Variants in PIEZO1 observed in about 807,000 individuals in gnomAD.
PIEZO1 encodes the protein piezo-type mechanosensitive ion channel component 1.
PIEZO1 carries 296 observed loss-of-function variants against 297.2 expected under a neutral mutation model. The ratio of observed to expected loss-of-function variants is 1.00; its 90% CI spans 0.91 to 1.10. The LOEUF (loss-of-function observed/expected upper bound fraction) is 1.10. Ranked by LOEUF, PIEZO1 falls within the 50% of genes least tolerant of loss-of-function variation. PIEZO1 has a pLI of 0.00. For missense variants in PIEZO1, 5,018 were observed against 3,455.5 expected (o/e 1.45, Z -11.34); for synonymous variants, 2,427 against 1,507.5 (o/e 1.61, Z -14.13).
Position 88,719,805 on chromosome 16 carries a change from T to C in PIEZO1, c.6320A>G (p.Gln2107Arg). 1.3e-6 allele frequency: 2 copies of C among 1,550,398 alleles called. No individual in the cohort carries two copies. The highest frequency in any genetic ancestry group is 1.7e-6 in the Non-Finnish European group (2 of 1,146,912). The change falls in exon 43 of 51, where the codon CAG becomes CGG. Residue 2107 changes from glutamine (Q) to arginine (R), a missense_variant. By Grantham distance (43) the Gln-to-Arg change is conservative (BLOSUM62 1). Transcript: ENST00000301015. ...KYNHLNLFLF[Q>R]GFRLVPFLVE... ...ACCCCGGCGGACCTGCACTCACCCC[T>C]GGAAGAGGAAGAGGTTGAGATGATT...
At position 88,723,340 on chromosome 16, in the gene PIEZO1, C is replaced by A. The variant is rs766078279; in HGVS notation, c.4336-12G>T. 22 of 1,536,740 alleles carry A rather than the reference C, an allele frequency of 1.4e-5. No homozygotes were observed. The highest frequency in any genetic ancestry group is 1.7e-5 in the Non-Finnish European group (20 of 1,146,476). ...GCCTGGTACGCCAGCTGTCGGCCAG[C>A]CCCCGGGTTAGGACCCGGCCTCCCG... On this transcript the variant is annotated splice_polypyrimidine_tract_variant and intron_variant, in intron 31 of 50. Transcript: ENST00000301015.
chr16:88,773,274 G>A (rs187700038), intron 1 of PIEZO1, among the ~76,000 whole-genome samples: 5 of 152,344 alleles, frequency 3.3e-5, no homozygotes, highest in Admixed American at 6.5e-5. Flanking sequence ...AGTCAGGACA[G>A]CCCTCCAAGA....
intron 1 of PIEZO1, among the ~76,000 whole-genome samples, chr16:88,778,535 A>G (rs1907777194): frequency 6.6e-6 from 1 of 152,210 alleles, no homozygotes; most frequent in Non-Finnish European, 1.5e-5. Flanking sequence ...TCCTGAGACA[A>G]CGGCGGGGAA....
rs556192193 is a variant in PIEZO1, at chr16:88,720,270, G to A, written c.5963C>T (p.Ala1988Val). 399 of 1,550,398 alleles carry A rather than the reference G, an allele frequency of 2.6e-4. No homozygotes were observed. The African/African-American group carries it at 4.9e-3, about 19-fold the overall frequency. Residue 1988 changes from alanine to valine, a missense_variant, in exon 42 of 51, where the codon GCC (alanine) becomes GTC (valine). Ala to Val is a moderately conservative substitution (Grantham distance 64). Transcript: ENST00000301015. ...TGATAGGGAGGACGTGATGTCTGTG[G>A]CCGCCGAGTGCTTCTGTGGCCAGGA... ...GFWAFGKHSA[A>V]TDITSSLSDD... is the part of the protein sequence containing the mutation.
intron 20 of PIEZO1, 22 bp from the exon 21 acceptor site, chr16:88,732,557 G>A (rs549447562): frequency 6.5e-7 from 1 of 1,543,546 alleles, no homozygotes; most frequent in South Asian, 1.2e-5. Context: ...AAGGGTCAGG[G>A]GGCAGCCGGG....
At chr16:88,724,829 TAGTC>T (rs1270703652) in intron 30 of PIEZO1, among the ~76,000 whole-genome samples, 176 bp downstream of exon 30, 2 of 152,052 alleles carry the variant, frequency 1.3e-5, no homozygotes, top group Non-Finnish European at 2.9e-5. Flanking sequence ...GGAGAGGACA[TAGTC>T]AGCCCAGGGG....
At chr16:88,720,968 G>A (rs1424835534) in intron 39 of PIEZO1, among the ~76,000 whole-genome samples, 198 bp downstream of exon 39, 1 of 152,170 alleles carries the variant, frequency 6.6e-6, no homozygotes, top group African/African-American at 2.4e-5. Context: ...CCCTACACGT[G>A]GGGAGCATCC....
At position 88,720,366 on chromosome 16, in the gene PIEZO1, G is replaced by A. The variant is rs1460127666; in HGVS notation, c.5949+19C>T. On this transcript the variant is annotated intron_variant, in intron 41 of 50. Transcript: ENST00000301015. ...CTGAGCTCTGCGTACACTGGGTTTG[G>A]GTCCCGGGCCTGGCTCACCCCAAAG... The A allele has an allele frequency of 1.3e-6, 2 of 1,550,286 alleles. No homozygotes were observed. The highest frequency in any genetic ancestry group is 2.0e-5 in the Admixed American group (1 of 50,996).
intron 1 of PIEZO1, among the ~76,000 whole-genome samples, chr16:88,764,124 G>A (rs1249206570): frequency 6.6e-6 from 1 of 152,142 alleles, no homozygotes; most frequent in Non-Finnish European, 1.5e-5. Context: ...AAGGATCTGG[G>A]AACATCAGAT....
intron 1 of PIEZO1, among the ~76,000 whole-genome samples, chr16:88,775,960 G>C (rs1907641976): frequency 6.6e-6 from 1 of 152,186 alleles, no homozygotes; most frequent in South Asian, 2.1e-4. Flanking sequence ...GCAGATTAAA[G>C]CCACGGGAGG....
At chr16:88,783,189 C>T (rs911004914) in intron 1 of PIEZO1, among the ~76,000 whole-genome samples, 1 of 152,270 alleles carries the variant, frequency 6.6e-6, no homozygotes, top group Non-Finnish European at 1.5e-5. Context: ...AGATCCCCCA[C>T]GCGGATAGCA....
At chr16:88,743,962 A>T (rs1465186102) in intron 2 of PIEZO1, 1 of 277,048 alleles carries the variant, frequency 3.6e-6, no homozygotes, top group Non-Finnish European at 7.3e-6. Flanking sequence ...AGGAGCCACC[A>T]CCAGGGGGTG....
chr16:88,739,315 C>A (rs1044391865), intron 5 of PIEZO1: 1 of 152,798 alleles, frequency 6.5e-6, no homozygotes, highest in Non-Finnish European at 1.5e-5. Flanking sequence ...GGAGAGAGAC[C>A]TGCCGGGCCT....
At chr16:88,734,832 G>T in intron 14 of PIEZO1, 34 bp from the exon 15 acceptor site, 1 of 1,550,166 alleles carries the variant, frequency 6.5e-7, no homozygotes, top group Non-Finnish European at 8.7e-7. Flanking sequence ...GAGGACCGCG[G>T]GGAGGGTCCG....
chr16:88,733,596 G>C lies in PIEZO1; in HGVS notation c.2479C>G (p.Leu827Val). Residue 827 changes from leucine to valine, a missense_variant, in exon 18 of 51, where the codon CTG (leucine) becomes GTG (valine). Physicochemically the swap from Leu to Val is conservative, Grantham distance 32. Transcript: ENST00000301015. The part of the protein sequence containing the change: ...LVALYTVWVA[L>V]KEVSVMNLLL... Reference sequence around the variant, plus strand: ...TTGCCTGCCACACTCACCTCCTTCAGGGCCACCCAGACGGTGTACAGGGCC... The same window carrying C: ...TTGCCTGCCACACTCACCTCCTTCACGGCCACCCAGACGGTGTACAGGGCC... The C allele has an allele frequency of 1.3e-6, 2 of 1,544,482 alleles. No individual in the cohort carries two copies. Among genetic ancestry groups the C allele is most frequent in the Non-Finnish European group, 1.7e-6 (2 of 1,142,958 alleles).
At chr16:88,774,319 A>T (rs1312005490) in intron 1 of PIEZO1, among the ~76,000 whole-genome samples, 3 of 152,220 alleles carry the variant, frequency 2.0e-5, no homozygotes, top group Non-Finnish European at 2.9e-5. Context: ...TGAACCCGGG[A>T]GGCGGAGTTT....
chr16:88,784,916 A>T lies in PIEZO1; in HGVS notation c.49T>A (p.Cys17Ser). The change falls in exon 1 of 51, where the codon TGC becomes AGC. Residue 17 changes from cysteine to serine, a missense_variant. Physicochemically the swap from Cys to Ser is moderately radical, Grantham distance 112 (BLOSUM62 -1). Transcript: ENST00000301015. ...CCCCACTCACCAGCCAGCAGCGCGC[A>T]GGGCAGCAGCAGCCAGTACAGGACC... ...GAVLYWLLLP[C>S]ALLAACLLRF... 1.4e-6 allele frequency: 2 copies of T among 1,433,974 alleles called. No individual in the cohort carries two copies. Among genetic ancestry groups the T allele is most frequent in the Non-Finnish European group, 1.8e-6 (2 of 1,091,478 alleles). The allele number at this position is 1,433,974 out of a possible 1,614,324, so 88.8% of individuals were successfully genotyped here.
chr16:88,749,437 A>G lies in PIEZO1; in HGVS notation c.107T>C (p.Leu36Pro), dbSNP rs1392963591. Residue 36 changes from leucine to proline, a missense_variant, in exon 2 of 51, where the codon CTC (leucine) becomes CCC (proline). Coordinates refer to ENST00000301015, the MANE Select transcript of PIEZO1 (RefSeq NM_001142864.4). ...GAACCAGGGCAGCAGCAGCAGGAAG[A>G]GCAGGTAGACCAGCGAGAGTCCGCT... ...RFSGLSLVYL[L>P]FLLLLPWFPG... 2.6e-6 allele frequency: 4 copies of G among 1,523,178 alleles called. No homozygotes were observed. The highest frequency in any genetic ancestry group is 2.8e-5 in the African/African-American group (2 of 71,964). 94.4% of individuals were successfully genotyped at this position (1,523,178 alleles called of 1,614,324 possible). A position where few individuals can be genotyped will look rare whatever the true frequency, so the allele number is the denominator to read the frequency against.
At chr16:88,725,756 C>A in intron 27 of PIEZO1, 72 bp from the exon 28 acceptor site, 2 of 812,540 alleles carry the variant, frequency 2.5e-6, no homozygotes, top group Non-Finnish European at 4.2e-6. Flanking sequence ...CGCCGCTCCC[C>A]GCTCAGCCCG....
Sources: allele counts gnomAD v4.1 joint callset (sites outside exome capture counted in the v4.1 genomes callset), GRCh38; gene constraint gnomAD v4.1.1; transcripts MANE v1.5; gene names NCBI Gene and HGNC (gene_info 2026-07-23, HGNC 2026-07-21).